The following MYO5B variants were observed in gnomAD, a reference collection of about 807,000 sequenced individuals.
MYO5B encodes unconventional myosin-Vb.
Under a neutral mutation model 229.3 loss-of-function variants are expected in MYO5B, and 143 were observed. The ratio of observed to expected loss-of-function variants is 0.62; its 90% CI spans 0.54 to 0.72. The LOEUF (loss-of-function observed/expected upper bound fraction) is 0.72. Ranked by LOEUF, MYO5B falls within the 30% of genes least tolerant of loss-of-function variation. The pLI, the probability that MYO5B is intolerant of heterozygous loss-of-function variation, is 0.00. For synonymous variants in MYO5B, 918 were observed against 885.2 expected (o/e 1.04, Z -0.66); for missense variants, 2,321 against 2,331.0 (o/e 1.00, Z 0.09).
chr18:50,158,907 T>C (rs2032722638), intron 1 of MYO5B, among the ~76,000 whole-genome samples: 1 of 152,142 alleles, frequency 6.6e-6, no homozygotes, highest in Non-Finnish European at 1.5e-5. Context: ...TCCTCTAGAT[T>C]AAACATGAAT....
chr18:49,949,883 A>C (rs988063530), intron 14 of MYO5B, among the ~76,000 whole-genome samples: 2 of 152,346 alleles, frequency 1.3e-5, no homozygotes, highest in Non-Finnish European at 2.9e-5. Context: ...AAAACTAAAA[A>C]TTTTAAAGAA....
chr18:49,864,732 A>G (rs983707114), intron 27 of MYO5B, among the ~76,000 whole-genome samples: 2 of 152,252 alleles, frequency 1.3e-5, no homozygotes, highest in African/African-American at 4.8e-5. Flanking sequence ...AAGAATTCCT[A>G]CAATCTAAAT....
intron 1 of MYO5B, among the ~76,000 whole-genome samples, chr18:50,178,765 T>C (rs1300878981): frequency 6.6e-6 from 1 of 152,186 alleles, no homozygotes; most frequent in Non-Finnish European, 1.5e-5. Flanking sequence ...GTGAGTGCAA[T>C]TCAGATGGAC....
chr18:49,888,662 G>C (rs2024674132), intron 22 of MYO5B, among the ~76,000 whole-genome samples: 1 of 152,156 alleles, frequency 6.6e-6, no homozygotes, highest in Non-Finnish European at 1.5e-5. Flanking sequence ...AGGAAACACT[G>C]AACTCCTCTT....
At chr18:49,955,899 A>G in intron 12 of MYO5B, among the ~76,000 whole-genome samples, 1 of 152,242 alleles carries the variant, frequency 6.6e-6, no homozygotes. Flanking sequence ...AGAGGGACCT[A>G]GAAGGACTGG....
intron 16 of MYO5B, among the ~76,000 whole-genome samples, chr18:49,932,822 C>T (rs1454320760): frequency 6.6e-6 from 1 of 152,126 alleles, no homozygotes; most frequent in African/African-American, 2.4e-5. Flanking sequence ...CTCTCCCCAA[C>T]AGTAAAGAAA....
intron 1 of MYO5B, among the ~76,000 whole-genome samples, chr18:50,109,387 G>A (rs758525352): frequency 6.6e-5 from 10 of 151,472 alleles, no homozygotes; most frequent in Non-Finnish European, 1.2e-4. Flanking sequence ...TCACCAACTT[G>A]TCAATCTTAT....
intron 2 of MYO5B, among the ~76,000 whole-genome samples, chr18:50,051,314 C>T (rs559556587): frequency 6.6e-6 from 1 of 152,322 alleles, no homozygotes; most frequent in Non-Finnish European, 1.5e-5. Context: ...AGCTCACATG[C>T]TCCCCTGTCT....
intron 4 of MYO5B, among the ~76,000 whole-genome samples, chr18:50,013,775 G>A (rs2026187068): frequency 6.6e-6 from 1 of 152,206 alleles, no homozygotes; most frequent in South Asian, 2.1e-4. Context: ...CTGACAACGT[G>A]AGGCAGGTCA....
chr18:50,036,170 T>A (rs2026446123), intron 4 of MYO5B, among the ~76,000 whole-genome samples: 1 of 152,238 alleles, frequency 6.6e-6, no homozygotes, highest in African/African-American at 2.4e-5. Flanking sequence ...TAGCATTAAC[T>A]GAGACCTGCA....
chr18:49,975,210 A>C (rs1408551158), intron 9 of MYO5B, among the ~76,000 whole-genome samples: 3 of 152,198 alleles, frequency 2.0e-5, no homozygotes, highest in South Asian at 2.1e-4. Flanking sequence ...GTATGCTCAG[A>C]AACAAGCCCC....
chr18:50,167,672 C>T (rs1393530838), intron 1 of MYO5B, among the ~76,000 whole-genome samples: 1 of 152,166 alleles, frequency 6.6e-6, no homozygotes, highest in Non-Finnish European at 1.5e-5. Context: ...TGGTTTAAGG[C>T]CCATCTCCCT....
chr18:49,957,467 G>T (rs1163120827), intron 12 of MYO5B, among the ~76,000 whole-genome samples: 1 of 152,010 alleles, frequency 6.6e-6, no homozygotes, highest in Non-Finnish European at 1.5e-5. Flanking sequence ...ACAACACAGG[G>T]AGACCTCATC....
intron 1 of MYO5B, among the ~76,000 whole-genome samples, chr18:50,090,246 G>C (rs762995141): frequency 6.6e-6 from 1 of 151,878 alleles, no homozygotes; most frequent in Admixed American, 6.6e-5. Flanking sequence ...GGGAAGCTGA[G>C]GCAGGAGGAT....
chr18:50,004,860 G>A (rs2026084713), intron 4 of MYO5B, among the ~76,000 whole-genome samples: 2 of 152,182 alleles, frequency 1.3e-5, no homozygotes, highest in South Asian at 4.1e-4. Context: ...TGTGTTCTGT[G>A]TACATATCCA....
chr18:50,090,187 G>C (rs1192086794), intron 1 of MYO5B, among the ~76,000 whole-genome samples: 1 of 152,006 alleles, frequency 6.6e-6, no homozygotes, highest in Non-Finnish European at 1.5e-5. Flanking sequence ...TGAGGACAAA[G>C]AACCCTGGTG....
At chr18:49,843,525 G>A in intron 33 of MYO5B, 133 bp from the exon 34 acceptor site, 1 of 1,173,866 alleles carries the variant, frequency 8.5e-7, no homozygotes, top group Non-Finnish European at 1.2e-6. Context: ...TCTCAAAGAG[G>A]ATTGGGAGAG....
At chr18:49,953,937 C>A (rs1598908361) in intron 13 of MYO5B, among the ~76,000 whole-genome samples, 1 of 135,870 alleles carries the variant, frequency 7.4e-6, no homozygotes, top group African/African-American at 2.8e-5. Context: ...TGTGTGTAGA[C>A]TATATATATA....
At chr18:49,971,175 C>G (rs1350593687) in intron 10 of MYO5B, among the ~76,000 whole-genome samples, 1 of 152,104 alleles carries the variant, frequency 6.6e-6, no homozygotes, top group Non-Finnish European at 1.5e-5. Flanking sequence ...ATGAAAAACT[C>G]CTTAGAATCA....
Sources: allele counts gnomAD v4.1 joint callset (sites outside exome capture counted in the v4.1 genomes callset), GRCh38; gene constraint gnomAD v4.1.1; transcripts MANE v1.5; gene names NCBI Gene and HGNC (gene_info 2026-07-23, HGNC 2026-07-21).